LSAMP: variants seen among roughly 807,000 people sequenced by gnomAD.
LSAMP encodes the protein limbic system associated membrane protein.
LSAMP carries 7 observed loss-of-function variants against 38.6 expected under a neutral mutation model. That is an observed-to-expected ratio of 0.18 (90% confidence interval 0.10 to 0.34). The LOEUF is 0.34. Ranked by LOEUF, LSAMP falls within the 10% of genes least tolerant of loss-of-function variation. The pLI is 1.00. For synonymous variants in LSAMP, 154 were observed against 166.8 expected, an observed-to-expected ratio of 0.92 and a Z score of 0.59; for missense variants, 313 against 420.0, an observed-to-expected ratio of 0.75 and a Z score of 2.23.
At chr3:115,936,106 A>G (rs951979205) in intron 3 of LSAMP, among the ~76,000 whole-genome samples, 20 of 152,206 alleles carry the variant, frequency 1.3e-4, no homozygotes, top group Non-Finnish European at 7.3e-5. Flanking sequence ...CAAGCAAATC[A>G]ATCTGGAAGT....
chr3:115,855,163 A>G (rs1210823648), intron 3 of LSAMP, among the ~76,000 whole-genome samples: 1 of 152,206 alleles, frequency 6.6e-6, no homozygotes, highest in Non-Finnish European at 1.5e-5. Context: ...TTGAATTTAT[A>G]AAACAAAAAC....
intron 1 of LSAMP, among the ~76,000 whole-genome samples, chr3:116,262,214 A>G (rs549252290): frequency 6.6e-6 from 1 of 152,232 alleles, no homozygotes; most frequent in East Asian, 1.9e-4. Flanking sequence ...TCCATTCCCT[A>G]TGTGAATGAA....
At chr3:116,203,535 G>T (rs1382326902) in intron 1 of LSAMP, among the ~76,000 whole-genome samples, 1 of 147,564 alleles carries the variant, frequency 6.8e-6, no homozygotes. Flanking sequence ...ATCTCCCAAT[G>T]CTATCCCTCC....
At chr3:115,836,128 A>G (rs1357850992) in intron 6 of LSAMP, among the ~76,000 whole-genome samples, 2 of 152,078 alleles carry the variant, frequency 1.3e-5, no homozygotes, top group Non-Finnish European at 2.9e-5. Flanking sequence ...CCACATGACC[A>G]TTTATATTGC....
chr3:115,879,506 A>T (rs1470158637), intron 3 of LSAMP, among the ~76,000 whole-genome samples: 2 of 152,202 alleles, frequency 1.3e-5, no homozygotes, highest in Non-Finnish European at 2.9e-5. Context: ...AATAATAAAT[A>T]AAAAGCTGAC....
chr3:115,927,523 AC>A (rs1937517249), intron 3 of LSAMP, among the ~76,000 whole-genome samples: 1 of 152,072 alleles, frequency 6.6e-6, no homozygotes, highest in Admixed American at 6.5e-5. Flanking sequence ...GAAAGAGACA[AC>A]CCCACCCCAC....
chr3:116,233,863 AAC>A (rs549727471), intron 1 of LSAMP, among the ~76,000 whole-genome samples: 86 of 152,308 alleles, frequency 5.6e-4, no homozygotes, highest in Non-Finnish European at 1.1e-3. Context: ...TTCAATTTTT[AAC>A]AGTCACATGG....
intron 1 of LSAMP, among the ~76,000 whole-genome samples, chr3:116,326,291 T>A (rs1467676605): frequency 6.6e-6 from 1 of 152,134 alleles, no homozygotes; most frequent in Non-Finnish European, 1.5e-5. Context: ...TAATCCCTAT[T>A]CTCAATTAGA....
Position 116,098,854 on chromosome 3 carries a change from C to A in LSAMP, c.156-12298G>T, listed in dbSNP as rs1708282776. Reference sequence around the variant, plus strand: ...GTTGGAGCCGGATGATCAAAAAGAACTTTAGAAAAATGGGAATAAAAGCAA... The same window carrying A: ...GTTGGAGCCGGATGATCAAAAAGAAATTTAGAAAAATGGGAATAAAAGCAA... On this transcript the variant is annotated intron_variant, in intron 1 of 6. Transcript: ENST00000490035. Among the ~76,000 whole-genome samples the A allele has an allele frequency of 3.9e-5, 6 of 152,082 alleles. No individual in the cohort carries two copies. In the South Asian group the frequency reaches 1.2e-3, roughly 32 times the overall value.
intron 2 of LSAMP, among the ~76,000 whole-genome samples, chr3:116,061,983 TACA>T (rs948510857): frequency 6.6e-6 from 1 of 152,234 alleles, no homozygotes; most frequent in African/African-American, 2.4e-5. Flanking sequence ...TCCAAATAAT[TACA>T]ACATTTTTTT....
intron 1 of LSAMP, among the ~76,000 whole-genome samples, chr3:116,367,116 A>G (rs1389475078): frequency 6.6e-6 from 1 of 152,172 alleles, no homozygotes; most frequent in Non-Finnish European, 1.5e-5. Flanking sequence ...GATTAATGCT[A>G]AGATAATTGG....
chr3:115,930,989 G>A (rs1937571665), intron 3 of LSAMP, among the ~76,000 whole-genome samples: 1 of 152,192 alleles, frequency 6.6e-6, no homozygotes. Context: ...ATTGAAGCCA[G>A]TCCTAGGTTT....
chr3:116,175,950 C>T (rs535368377), intron 1 of LSAMP, among the ~76,000 whole-genome samples: 12 of 152,094 alleles, frequency 7.9e-5, no homozygotes, highest in Admixed American at 2.6e-4. Flanking sequence ...TATAAAATTG[C>T]ATCCTTGTGC....
chr3:116,036,386 T>C (rs1441927626), intron 2 of LSAMP, among the ~76,000 whole-genome samples: 1 of 152,200 alleles, frequency 6.6e-6, no homozygotes, highest in East Asian at 1.9e-4. Flanking sequence ...GCCTCCTGCC[T>C]GACAGAGGCC....
At chr3:115,927,591 T>G (rs1937518279) in intron 3 of LSAMP, among the ~76,000 whole-genome samples, 1 of 152,186 alleles carries the variant, frequency 6.6e-6, no homozygotes, top group South Asian at 2.1e-4. Context: ...ATTCCTCCTT[T>G]TCTTAACTCT....
chr3:115,966,362 A>T (rs1334224939), intron 3 of LSAMP, among the ~76,000 whole-genome samples: 1 of 152,230 alleles, frequency 6.6e-6, no homozygotes, highest in African/African-American at 2.4e-5. Flanking sequence ...TGAACCTGAG[A>T]TAGAAATGTA....
chr3:115,864,005 TTC>T (rs1935786572), intron 3 of LSAMP, among the ~76,000 whole-genome samples: 1 of 152,150 alleles, frequency 6.6e-6, no homozygotes, highest in Admixed American at 6.6e-5. Context: ...ACAAAAAGTT[TTC>T]ATGACTATCC....
intron 1 of LSAMP, among the ~76,000 whole-genome samples, chr3:116,128,790 A>G (rs757350215): frequency 2.6e-5 from 4 of 152,252 alleles, no homozygotes; most frequent in Admixed American, 2.0e-4. Flanking sequence ...AAGAAGTAGA[A>G]TAAGAACACA....
chr3:116,203,294 T>A (rs915895201), intron 1 of LSAMP, among the ~76,000 whole-genome samples: 1 of 152,174 alleles, frequency 6.6e-6, no homozygotes, highest in African/African-American at 2.4e-5. Flanking sequence ...CCTTCAATTC[T>A]AATAGACAAA....
Sources: allele counts gnomAD v4.1 joint callset (sites outside exome capture counted in the v4.1 genomes callset), GRCh38; gene constraint gnomAD v4.1.1; transcripts MANE v1.5; gene names NCBI Gene and HGNC (gene_info 2026-07-23, HGNC 2026-07-21).